SLC14A2: variants seen among roughly 807,000 people sequenced by gnomAD.
SLC14A2 encodes urea transporter 2.
Under a neutral mutation model 104.6 loss-of-function variants are expected in SLC14A2, and 91 were observed. The observed-to-expected ratio is 0.87, with a 90% CI of 0.73 to 1.04. The LOEUF is 1.04. Ranked by LOEUF, SLC14A2 falls within the 50% of genes least tolerant of loss-of-function variation. The pLI is 0.00. For synonymous variants in SLC14A2, 476 were observed against 466.4 expected, an observed-to-expected ratio of 1.02 and a Z score of -0.27; for missense variants, 1,189 against 1,156.0, an observed-to-expected ratio of 1.03 and a Z score of -0.41.
chr18:45,193,129 G>A, the SLC14A2 span, among the ~76,000 whole-genome samples: 1 of 152,090 alleles, frequency 6.6e-6, no homozygotes, highest in African/African-American at 2.4e-5. Context: ...TATATATTCT[G>A]AATACAATCC....
chr18:45,282,854 C>T (rs1022455685), intron 1 of SLC14A2, among the ~76,000 whole-genome samples: 20 of 152,202 alleles, frequency 1.3e-4, no homozygotes, highest in South Asian at 2.1e-4. Context: ...TCTCTTCCTT[C>T]TTTCCTTGTA....
chr18:45,682,308 T>C lies in SLC14A2; in HGVS notation c.2563-11T>C. 1.2e-6 allele frequency: 2 copies of C among 1,613,820 alleles called. No individual in the cohort carries two copies. The highest frequency in any genetic ancestry group is 1.7e-6 in the Non-Finnish European group (2 of 1,179,682). On this transcript the variant is annotated splice_polypyrimidine_tract_variant and intron_variant, in intron 19 of 19. Transcript: ENST00000255226. ...ATGTGACCAAGGCTTATCTGTGTTC[T>C]TTCTCTCCAGTTTGGATTGCCGCCC...
chr18:45,496,109 A>T (rs1416019632), intron 2 of SLC14A2, among the ~76,000 whole-genome samples: 1 of 152,226 alleles, frequency 6.6e-6, no homozygotes, highest in African/African-American at 2.4e-5. Flanking sequence ...GATTCCCATT[A>T]CCAAGGGCAA....
rs1350268541 is a variant in SLC14A2, at chr18:45,269,038, A to G, written c.-125+55847A>G. Among the ~76,000 whole-genome samples the G allele has an allele frequency of 3.3e-5, 5 of 151,338 alleles. No individual in the cohort carries two copies. The Admixed American group carries it at 3.3e-4, about 10-fold the overall frequency. ...GGTCACTAACAATGATCATTGACAG[A>G]AGGAGGGAAATCCTGAGGGGGATTC... On this transcript the variant is annotated intron_variant, in intron 1 of 20. Coordinates refer to the SLC14A2 transcript ENST00000586448.
rs139662648 is a variant in SLC14A2, at chr18:45,593,780, C to T, written c.-34-30851C>T. On this transcript the variant is annotated intron_variant, in intron 2 of 20. Transcript: ENST00000586448. ...CTGGAACCACCAGTGTGAGCCACCGCGCCCTGCCGCATTTCCTTAATCTTA... is the reference window on the plus strand; with the variant it reads ...CTGGAACCACCAGTGTGAGCCACCGTGCCCTGCCGCATTTCCTTAATCTTA... 3.0e-3 allele frequency among the ~76,000 whole-genome samples: 461 copies of T among 152,280 alleles called. 3 individuals carry two copies. Among genetic ancestry groups the T allele is most frequent in the African/African-American group, 0.01 (417 of 41,548 alleles).
chr18:45,496,922 G>A (rs2043108391), intron 2 of SLC14A2, among the ~76,000 whole-genome samples: 1 of 152,156 alleles, frequency 6.6e-6, no homozygotes, highest in African/African-American at 2.4e-5. Context: ...TCTGGAACTT[G>A]CACTAGTGGC....
chr18:45,223,605 C>G (rs913695313), intron 1 of SLC14A2, among the ~76,000 whole-genome samples: 1 of 152,292 alleles, frequency 6.6e-6, no homozygotes, highest in East Asian at 1.9e-4. Flanking sequence ...CACACCCCCT[C>G]CCCTGGCTAG....
intron 2 of SLC14A2, among the ~76,000 whole-genome samples, chr18:45,581,231 C>T (rs550077840): frequency 1.9e-4 from 29 of 152,238 alleles, no homozygotes; most frequent in Middle Eastern, 6.8e-3. Flanking sequence ...GTGGGCCCAG[C>T]GATGAGGGCA....
chr18:45,631,177 C>T (rs192810694), intron 4 of SLC14A2, among the ~76,000 whole-genome samples: 1 of 152,336 alleles, frequency 6.6e-6, no homozygotes, highest in African/African-American at 2.4e-5. Flanking sequence ...TCAACAAATA[C>T]TAGCTGAGCA....
At chr18:45,401,736 G>T (rs2086098374) in intron 1 of SLC14A2, among the ~76,000 whole-genome samples, 2 of 152,138 alleles carry the variant, frequency 1.3e-5, no homozygotes, top group South Asian at 4.1e-4. Context: ...TTGTTTCAGG[G>T]GCCTGAGAGG....
chr18:45,516,787 G>A (rs1429163935), intron 2 of SLC14A2, among the ~76,000 whole-genome samples: 1 of 152,202 alleles, frequency 6.6e-6, no homozygotes, highest in Non-Finnish European at 1.5e-5. Context: ...TACAAGCATT[G>A]GCTCCAAGGA....
intron 1 of SLC14A2, among the ~76,000 whole-genome samples, chr18:45,368,067 G>A (rs1598727459): frequency 6.6e-6 from 1 of 151,986 alleles, no homozygotes; most frequent in Admixed American, 6.6e-5. Flanking sequence ...GGATCCAGGA[G>A]GACAGAAGAT....
intron 18 of SLC14A2, among the ~76,000 whole-genome samples, chr18:45,676,764 A>T (rs982992373): frequency 9.8e-5 from 15 of 152,320 alleles, no homozygotes; most frequent in Admixed American, 8.5e-4. Context: ...TCTTCCCTCC[A>T]GCCCCATAAA....
chr18:45,637,251 G>A lies in SLC14A2; in HGVS notation c.843+69G>A, dbSNP rs894564962. 6 of 1,295,840 alleles carry A rather than the reference G, an allele frequency of 4.6e-6. No homozygotes were observed. The African/African-American group carries it at 7.3e-5, about 16-fold the overall frequency. The allele number at this position is 1,295,840 out of a possible 1,614,324, so 80.3% of individuals were successfully genotyped here. A position where few individuals can be genotyped will look rare whatever the true frequency, so the allele number is the denominator to read the frequency against. On this transcript the variant is annotated intron_variant, in intron 6 of 19. Coordinates refer to ENST00000255226, the MANE Select transcript of SLC14A2 (RefSeq NM_007163.4). ...TGCAGACCTTCTCGCCAACCAATTT[G>A]TGGACTATCCATGCTCTCAACTTCT...
Position 45,637,136 on chromosome 18 carries a change from T to G in SLC14A2, c.797T>G (p.Val266Gly). 6.2e-7 allele frequency: 1 copy of G among 1,614,232 alleles called. No homozygotes were observed. The highest frequency in any genetic ancestry group is 8.5e-7 in the Non-Finnish European group (1 of 1,180,034). ...TTCCCCACAACACTGGTAGAGCCTGTGTCTTCAGTGCCCAATATCACCTGG... is the reference window on the plus strand; with the variant it reads ...TTCCCCACAACACTGGTAGAGCCTGGGTCTTCAGTGCCCAATATCACCTGG... Reference protein sequence around the residue: ...LFFPTTLVEPVSSVPNITWTE... With the variant: ...LFFPTTLVEPGSSVPNITWTE... The change falls in exon 6 of 20, where the codon GTG becomes GGG. Residue 266 changes from valine (V) to glycine (G), a missense_variant. Coordinates refer to ENST00000255226, the MANE Select transcript of SLC14A2 (RefSeq NM_007163.4).
chr18:45,669,261 A>G, intron 15 of SLC14A2, 45 bp from the exon 16 acceptor site: 1 of 1,529,864 alleles, frequency 6.5e-7, no homozygotes. Context: ...TAGTGTTATG[A>G]CCAGGCGGCT....
chr18:45,626,571 C>G (rs969908563), intron 3 of SLC14A2, among the ~76,000 whole-genome samples: 3 of 152,188 alleles, frequency 2.0e-5, no homozygotes, highest in African/African-American at 7.2e-5. Context: ...TCATCCAGCA[C>G]TACAGAAAAA....
At chr18:45,636,041 T>C (rs1338410479) in intron 5 of SLC14A2, among the ~76,000 whole-genome samples, 2 of 152,080 alleles carry the variant, frequency 1.3e-5, no homozygotes, top group African/African-American at 2.4e-5. Flanking sequence ...AGCCAGGTGG[T>C]TGGCGGAGGC....
At chr18:45,445,169 T>A (rs1278826439) in intron 1 of SLC14A2, among the ~76,000 whole-genome samples, 1 of 145,338 alleles carries the variant, frequency 6.9e-6, no homozygotes, top group Non-Finnish European at 1.5e-5. Context: ...TGAAGTGCAG[T>A]GGCACAACGT....
Sources: gnomAD v4.1 joint callset for allele counts (sites outside exome capture counted in the v4.1 genomes callset) on GRCh38, gnomAD v4.1.1 for gene constraint, MANE v1.5 for transcripts, NCBI Gene and HGNC (gene_info 2026-07-23, HGNC 2026-07-21) for gene names.